TRIM60: variants seen among roughly 807,000 people sequenced by gnomAD.
TRIM60 encodes tripartite motif containing 60, also known as tripartite motif-containing protein 60.
For missense variants in TRIM60, 524 were observed against 540.8 expected, an observed-to-expected ratio of 0.97 and a Z score of 0.31; for synonymous variants, 189 against 195.2, an observed-to-expected ratio of 0.97 and a Z score of 0.27.
rs1733728133 is a variant in TRIM60, at chr4:165,040,375, C to T, written c.303C>T (p.Asn101=). 1.2e-6 allele frequency: 2 copies of T among 1,614,076 alleles called. No individual in the cohort carries two copies. Among genetic ancestry groups the T allele is most frequent in the African/African-American group, 2.7e-5 (2 of 74,946 alleles). ...AGAATGCCATGTGTGAAAAACACAA[C>T]CAGTTTCTGACCCTCTTCTGTGTTA... The part of the protein sequence containing the change: ...QKENAMCEKH[N]QFLTLFCVKD... Residue 101 remains asparagine, a synonymous_variant, in exon 3 of 3, where the codon AAC becomes AAT. Coordinates refer to ENST00000512596, the MANE Select transcript of TRIM60 (RefSeq NM_152620.3).
At chr4:165,037,635 T>A (rs1343271485) in intron 1 of TRIM60, among the ~76,000 whole-genome samples, 1 of 152,138 alleles carries the variant, frequency 6.6e-6, no homozygotes, top group African/African-American at 2.4e-5. Context: ...CAAGCAATTT[T>A]CTTGCCTCAG....
At chr4:165,039,788 G>A (rs1056356771) in intron 2 of TRIM60, among the ~76,000 whole-genome samples, 2 of 127,462 alleles carry the variant, frequency 1.6e-5, no homozygotes, top group Admixed American at 8.6e-5. Flanking sequence ...CTGGGCGACA[G>A]AGCGAGACTC....
At position 165,040,654 on chromosome 4, in the gene TRIM60, A is replaced by T. The variant is rs1733735850; in HGVS notation, c.582A>T (p.Leu194Phe). ...NSEFEQIRLF[L>F]QNEQEMILRQ... ...AGTTTGAGCAAATAAGATTGTTTTT[A>T]CAGAATGAACAAGAGATGATTCTTA... Residue 194 changes from leucine (L) to phenylalanine (F), a missense_variant, in exon 3 of 3, where the codon TTA becomes TTT. Transcript: ENST00000512596. The T allele has an allele frequency of 1.2e-6, 2 of 1,614,016 alleles. No individual in the cohort carries two copies.
rs756882262 is a variant in TRIM60 at position 165,041,457 on chromosome 4, A to G, written c.1385A>G (p.Lys462Arg). 2.5e-6 allele frequency: 4 copies of G among 1,582,716 alleles called. No individual in the cohort carries two copies. Among genetic ancestry groups the G allele is most frequent in the Non-Finnish European group, 3.4e-6 (4 of 1,164,758 alleles). The stretch of plus-strand genomic sequence containing the variant: ...ACTGGAACAGATTCCGAACCTCTTA[A>G]AATCTGCTCAGTATCAGATTCTGAA... ...FYTGTDSEPL[K>R]ICSVSDSER The change falls in exon 3 of 3, where the codon AAA becomes AGA. Residue 462 changes from lysine to arginine, a missense_variant. By Grantham distance (26) the Lys-to-Arg change is conservative (BLOSUM62 2). Transcript: ENST00000512596.
At position 165,041,662 on chromosome 4, in the gene TRIM60, A is replaced by G. The variant is rs1185792496; in HGVS notation, c.*174A>G. ...ACTTTCATATATTCTATGAATATCA[A>G]TTGTCAGGTGCTTTGATTTCTAAGA... On this transcript the variant is annotated 3_prime_UTR_variant, in exon 3 of 3. Coordinates refer to ENST00000512596, the MANE Select transcript of TRIM60 (RefSeq NM_152620.3). 1.2e-5 allele frequency: 5 copies of G among 422,942 alleles called. No individual in the cohort carries two copies. The highest frequency in any genetic ancestry group is 3.5e-5 in the East Asian group (1 of 28,724). The allele number at this position is 422,942 out of a possible 1,614,324, so 26.2% of individuals were successfully genotyped here. A position where few individuals can be genotyped will look rare whatever the true frequency, so the allele number is the denominator to read the frequency against.
At chr4:165,032,689 T>A (rs1208418681) in intron 1 of TRIM60, among the ~76,000 whole-genome samples, 4 of 152,198 alleles carry the variant, frequency 2.6e-5, no homozygotes, top group Non-Finnish European at 5.9e-5. Flanking sequence ...CCTCCCACCC[T>A]ACAGCGCCAG....
intron 1 of TRIM60, among the ~76,000 whole-genome samples, chr4:165,033,710 G>T (rs1733557156): frequency 1.3e-5 from 2 of 152,208 alleles, no homozygotes; most frequent in Admixed American, 1.3e-4. Flanking sequence ...GCAATAGGGA[G>T]AATTCAGCAT....
intron 1 of TRIM60, among the ~76,000 whole-genome samples, chr4:165,034,298 C>T (rs992553589): frequency 6.6e-6 from 1 of 152,012 alleles, no homozygotes; most frequent in East Asian, 1.9e-4. Context: ...GGATTACAGG[C>T]GCACGCCACT....
chr4:165,041,170 G>T lies in TRIM60; in HGVS notation c.1098G>T (p.Val366=), dbSNP rs769535062. 6.8e-6 allele frequency: 11 copies of T among 1,614,224 alleles called. No individual in the cohort carries two copies. In the South Asian group the frequency reaches 1.2e-4, roughly 18 times the overall value. ...ACAAACCTAAATGGATATTGGGTGT[G>T]TGTCAAGACTGTCTTCTTAGGAACT... ...VGNKPKWILG[V]CQDCLLRNWQ... The change falls in exon 3 of 3, where the codon GTG becomes GTT. Residue 366 remains valine (V), a synonymous_variant. Coordinates refer to ENST00000512596, the MANE Select transcript of TRIM60 (RefSeq NM_152620.3).
At position 165,041,172 on chromosome 4, in the gene TRIM60, G is replaced by A. The variant is rs143401705; in HGVS notation, c.1100G>A (p.Cys367Tyr). ...AAACCTAAATGGATATTGGGTGTGT[G>A]TCAAGACTGTCTTCTTAGGAACTGG... ...GNKPKWILGV[C>Y]QDCLLRNWQD... Residue 367 changes from cysteine to tyrosine, a missense_variant, in exon 3 of 3, where the codon TGT becomes TAT. Physicochemically the swap from Cys to Tyr is radical, Grantham distance 194. Transcript: ENST00000512596. The A allele has an allele frequency of 2.3e-5, 37 of 1,614,198 alleles. No individual in the cohort carries two copies. The Admixed American group carries it at 2.5e-4, about 11-fold the overall frequency.
chr4:165,032,428 T>C (rs1733524115), intron 1 of TRIM60, among the ~76,000 whole-genome samples: 1 of 152,174 alleles, frequency 6.6e-6, no homozygotes, highest in African/African-American at 2.4e-5. Flanking sequence ...TTTGTATTTT[T>C]AGTAGAGACG....
At chr4:165,033,587 C>G (rs961678882) in intron 1 of TRIM60, among the ~76,000 whole-genome samples, 1 of 152,158 alleles carries the variant, frequency 6.6e-6, no homozygotes, top group Admixed American at 6.5e-5. Context: ...AGGATTAGAT[C>G]TGTGTTTGGA....
chr4:165,039,418 T>G (rs1463794905), intron 2 of TRIM60, 166 bp downstream of exon 2: 2 of 152,208 alleles, frequency 1.3e-5, no homozygotes, highest in African/African-American at 4.8e-5. Context: ...GATTTTGAAA[T>G]TAAAAATCTT....
Position 165,041,607 on chromosome 4 carries a change from T to G in TRIM60, c.*119T>G, listed in dbSNP as rs1328921786. On this transcript the variant is annotated 3_prime_UTR_variant, in exon 3 of 3. Transcript: ENST00000512596. ...ACCAGAGTCGATTTTTCTCCTAAAT[T>G]TTTGGCAACTATAAGATGTTCATAA... 1 of 637,984 alleles carries G rather than the reference T, an allele frequency of 1.6e-6. No homozygotes were observed. The highest frequency in any genetic ancestry group is 2.5e-6 in the Non-Finnish European group (1 of 400,600). The allele number at this position is 637,984 out of a possible 1,614,324, so 39.5% of individuals were successfully genotyped here.
Position 165,036,204 on chromosome 4 carries a change from G to C in TRIM60, c.-56-2997G>C, listed in dbSNP as rs143208232. On this transcript the variant is annotated intron_variant, in intron 1 of 2. Coordinates refer to ENST00000512596, the MANE Select transcript of TRIM60 (RefSeq NM_152620.3). ...GCACAATACCACTTGGTGAGCATCT[G>C]TTCTGGGTCAGGCACTGTAACATCC... Among the ~76,000 whole-genome samples the C allele has an allele frequency of 9.1e-3, 1,381 of 152,160 alleles. 13 individuals carry two copies. The highest frequency in any genetic ancestry group is 0.018 in the African/African-American group (753 of 41,450).
Position 165,040,887 on chromosome 4 carries a change from T to G in TRIM60, c.815T>G (p.Leu272Ter), listed in dbSNP as rs1477516350. 3.1e-6 allele frequency: 5 copies of G among 1,612,720 alleles called. No homozygotes were observed. In the East Asian group the frequency reaches 8.9e-5, roughly 29 times the overall value. The change falls in exon 3 of 3, where the codon TTA (leucine) becomes TGA (stop). Residue 272 changes from leucine to a stop codon, truncating the protein, a stop_gained. Coordinates refer to ENST00000512596, the MANE Select transcript of TRIM60 (RefSeq NM_152620.3). LOFTEE classifies it low-confidence loss of function (END_TRUNC). ...LKCPELFSFR[L>*]TKYGFSLPPQ... ...TGCCCTGAACTCTTTTCATTTAGAT[T>G]AACAAAATATGGTTTCAGTCTTCCT...
chr4:165,036,799 T>C (rs1483076560), intron 1 of TRIM60, among the ~76,000 whole-genome samples: 1 of 149,890 alleles, frequency 6.7e-6, no homozygotes, highest in Non-Finnish European at 1.5e-5. Flanking sequence ...GGGAATCGCT[T>C]GAACCTGGGA....
intron 1 of TRIM60, among the ~76,000 whole-genome samples, chr4:165,038,592 G>A (rs1007416413): frequency 1.3e-5 from 2 of 148,740 alleles, no homozygotes; most frequent in Admixed American, 6.8e-5. Flanking sequence ...AAAGAACCAT[G>A]GTCATACCAC....
At position 165,041,663 on chromosome 4, in the gene TRIM60, TTG is replaced by T; in HGVS notation, c.*177_*178del. The T allele has an allele frequency of 4.8e-6, 2 of 419,750 alleles. No individual in the cohort carries two copies. Among genetic ancestry groups the T allele is most frequent in the Non-Finnish European group, 4.3e-6 (1 of 230,794 alleles). 26.0% of individuals were successfully genotyped at this position (419,750 alleles called of 1,614,324 possible). On this transcript the variant is annotated 3_prime_UTR_variant, in exon 3 of 3. Coordinates refer to ENST00000512596, the MANE Select transcript of TRIM60 (RefSeq NM_152620.3). ...CTTTCATATATTCTATGAATATCAA[TTG>T]TCAGGTGCTTTGATTTCTAAGATAA...
Sources: gnomAD v4.1 joint callset for allele counts (sites outside exome capture counted in the v4.1 genomes callset) on GRCh38, gnomAD v4.1.1 for gene constraint, MANE v1.5 for transcripts, NCBI Gene and HGNC (gene_info 2026-07-23, HGNC 2026-07-21) for gene names.